Variants in LANCL2 observed in about 807,000 individuals in gnomAD.
LANCL2 encodes the protein LanC like glutathione S-transferase 2.
Under a neutral mutation model 56.9 loss-of-function variants are expected in LANCL2, and 33 were observed. The ratio of observed to expected loss-of-function variants is 0.58; its 90% CI spans 0.44 to 0.78. The LOEUF (loss-of-function observed/expected upper bound fraction) is 0.78. Among genes scored for constraint, LANCL2 ranks in the 30% least tolerant of loss-of-function variants. LANCL2 has a pLI of 0.00. For missense variants in LANCL2, 562 were observed against 580.2 expected (o/e 0.97, Z 0.32); for synonymous variants, 233 against 228.2 (o/e 1.02, Z -0.19).
chr7:55,401,179 C>T lies in LANCL2; in HGVS notation c.684C>T (p.Val228=). The change falls in exon 5 of 9, where the codon GTC becomes GTT. Residue 228 remains valine, a synonymous_variant. Coordinates refer to ENST00000254770, the MANE Select transcript of LANCL2 (RefSeq NM_018697.4). ...CTGTCTTGTTATCTCTGTAGGTAGT[C>T]AATGCTATTATTGAATCGGGTAAGA... ...TVCESAIKEV[V]NAIIESGKTL... The T allele has an allele frequency of 6.2e-7, 1 of 1,613,520 alleles. No individual in the cohort carries two copies. The highest frequency in any genetic ancestry group is 1.1e-5 in the South Asian group (1 of 91,040).
At position 55,407,144 on chromosome 7, in the gene LANCL2, C is replaced by T. The variant is rs554894937; in HGVS notation, c.826-4763C>T. The stretch of plus-strand genomic sequence containing the variant: ...GGAGGGAACTGCCTATCCTTCAACT[C>T]GTGCTGGAGACAAAAGGAGTTAGGT... On this transcript the variant is annotated intron_variant, in intron 5 of 8. Coordinates refer to ENST00000254770, the MANE Select transcript of LANCL2 (RefSeq NM_018697.4). Among the ~76,000 whole-genome samples, 14 of 152,294 alleles carry T rather than the reference C, an allele frequency of 9.2e-5. No individual in the cohort carries two copies. In the East Asian group the frequency reaches 2.5e-3, roughly 27 times the overall value.
At chr7:55,376,326 C>G (rs1325164723) in intron 1 of LANCL2, among the ~76,000 whole-genome samples, 3 of 152,174 alleles carry the variant, frequency 2.0e-5, no homozygotes, top group Non-Finnish European at 4.4e-5. Context: ...CAGTCTTAGA[C>G]AGAGTCAGTG....
Position 55,405,315 on chromosome 7 carries a change from A to G in LANCL2, c.825+3995A>G, listed in dbSNP as rs1442912854. Among the ~76,000 whole-genome samples, 3 of 152,076 alleles carry G rather than the reference A, an allele frequency of 2.0e-5. No homozygotes were observed. The East Asian group carries it at 5.8e-4, about 29-fold the overall frequency. The stretch of plus-strand genomic sequence containing the variant: ...GCCTTGGAGGGACTGGATGAGGTGC[A>G]CCCACTTTGGGGAGGGCCATCTGCC... On this transcript the variant is annotated intron_variant, in intron 5 of 8. Coordinates refer to ENST00000254770, the MANE Select transcript of LANCL2 (RefSeq NM_018697.4).
chr7:55,391,717 CTTAGACT>C (rs1790192663), intron 1 of LANCL2, 69 bp from the exon 2 acceptor site: 1 of 807,866 alleles, frequency 1.2e-6, no homozygotes, highest in Non-Finnish European at 2.1e-6. Context: ...GTTTGTACAA[CTTAGACT>C]TTAAAGTATT....
intron 6 of LANCL2, among the ~76,000 whole-genome samples, chr7:55,424,700 T>C (rs1376386730): frequency 6.6e-6 from 1 of 152,142 alleles, no homozygotes; most frequent in African/African-American, 2.4e-5. Context: ...CCCCAGGCTG[T>C]GAATTGGTAC....
chr7:55,383,526 A>C (rs1421485286), intron 1 of LANCL2, among the ~76,000 whole-genome samples: 1 of 152,212 alleles, frequency 6.6e-6, no homozygotes, highest in Non-Finnish European at 1.5e-5. Flanking sequence ...CATGTTGGGC[A>C]GATCTAGTTT....
At chr7:55,366,349 G>C (rs545468613) in intron 1 of LANCL2, 120 bp downstream of exon 1, 1 of 845,070 alleles carries the variant, frequency 1.2e-6, no homozygotes, top group Non-Finnish European at 1.8e-6. Context: ...CGGGATGATA[G>C]CGCCTAGCAC....
intron 7 of LANCL2, among the ~76,000 whole-genome samples, chr7:55,427,056 CTG>C (rs772765838): frequency 5.3e-5 from 8 of 152,188 alleles, no homozygotes; most frequent in Non-Finnish European, 1.0e-4. Flanking sequence ...CGAACCAGCT[CTG>C]TGTGTTCCTG....
chr7:55,431,898 C>T lies in LANCL2; in HGVS notation c.*578C>T, dbSNP rs815989. On this transcript the variant is annotated 3_prime_UTR_variant, in exon 9 of 9. Transcript: ENST00000254770. ...TGGGAGTGCACAGCTGAACGCTTCC[C>T]GTTTGGATTTTACACTCACCTTCGT... 0.72 allele frequency: 110,126 copies of T among 152,160 alleles called. 40,391 individuals are homozygous for T. The highest frequency in any genetic ancestry group is 0.83 in the African/African-American group (34,391 of 41,502). The allele number at this position is 152,160 out of a possible 1,614,324, so 9.4% of individuals were successfully genotyped here. A position where few individuals can be genotyped will look rare whatever the true frequency, so the allele number is the denominator to read the frequency against.
At position 55,431,746 on chromosome 7, in the gene LANCL2, C is replaced by G. The variant is rs1356647871; in HGVS notation, c.*426C>G. 6.3e-6 allele frequency: 1 copy of G among 158,298 alleles called. No individual in the cohort carries two copies. Among genetic ancestry groups the G allele is most frequent in the Non-Finnish European group, 1.4e-5 (1 of 71,834 alleles). 9.8% of individuals were successfully genotyped at this position (158,298 alleles called of 1,614,324 possible). ...CTATCTTGTATATCAGAAAGATTAT[C>G]TAGGGTCTATCCTAGTGATAATACA... On this transcript the variant is annotated 3_prime_UTR_variant, in exon 9 of 9. Transcript: ENST00000254770.
chr7:55,367,406 C>T (rs1206118110), intron 1 of LANCL2, among the ~76,000 whole-genome samples: 2 of 152,160 alleles, frequency 1.3e-5, no homozygotes, highest in African/African-American at 4.8e-5. Flanking sequence ...CTTCTGTAAA[C>T]CTCTCTCTTC....
chr7:55,403,288 C>T (rs1341425566), intron 5 of LANCL2, among the ~76,000 whole-genome samples: 12 of 152,236 alleles, frequency 7.9e-5, no homozygotes, highest in East Asian at 1.9e-4. Flanking sequence ...CAAAAAAATA[C>T]GAAAACCAGT....
intron 6 of LANCL2, among the ~76,000 whole-genome samples, chr7:55,415,851 G>A (rs1167174516): frequency 1.3e-5 from 2 of 151,990 alleles, no homozygotes; most frequent in African/African-American, 4.8e-5. Flanking sequence ...CTGACCTTAG[G>A]TGATCTGCCT....
intron 5 of LANCL2, among the ~76,000 whole-genome samples, chr7:55,406,789 A>G (rs1326640733): frequency 2.0e-5 from 3 of 152,224 alleles, no homozygotes; most frequent in Non-Finnish European, 4.4e-5. Flanking sequence ...AAATAATCTC[A>G]GAACAACCAG....
At chr7:55,389,570 GTTAA>G (rs1790162499) in intron 1 of LANCL2, among the ~76,000 whole-genome samples, 2 of 152,280 alleles carry the variant, frequency 1.3e-5, no homozygotes, top group Admixed American at 6.5e-5. Context: ...TGATACTTAT[GTTAA>G]TTAATTTTGT....
intron 5 of LANCL2, among the ~76,000 whole-genome samples, chr7:55,406,135 CAGG>C (rs1369193826): frequency 2.6e-5 from 4 of 152,274 alleles, no homozygotes; most frequent in Non-Finnish European, 5.9e-5. Flanking sequence ...CGGTGAGCTG[CAGG>C]AGGAGTGGAG....
rs1030678282 is a variant in LANCL2 at position 55,365,870 on chromosome 7, T to C, written c.-156T>C. On this transcript the variant is annotated 5_prime_UTR_variant, in exon 1 of 9. Coordinates refer to ENST00000254770, the MANE Select transcript of LANCL2 (RefSeq NM_018697.4). ...GTGCGAGCAGCCCGCGACGAGGCAG[T>C]GCACGCTCAGACGCCCCGCTCCTCC... 7.6e-6 allele frequency: 4 copies of C among 529,308 alleles called. No homozygotes were observed. The highest frequency in any genetic ancestry group is 6.4e-6 in the Non-Finnish European group (2 of 311,998). The allele number at this position is 529,308 out of a possible 1,614,324, so 32.8% of individuals were successfully genotyped here. A position where few individuals can be genotyped will look rare whatever the true frequency, so the allele number is the denominator to read the frequency against.
chr7:55,373,748 T>C (rs1161759345), intron 1 of LANCL2, among the ~76,000 whole-genome samples: 3 of 152,254 alleles, frequency 2.0e-5, no homozygotes, highest in South Asian at 2.1e-4. Flanking sequence ...CAATTTTGTA[T>C]TTTAAAAGCT....
chr7:55,375,140 AC>A (rs1480233155), intron 1 of LANCL2, among the ~76,000 whole-genome samples: 2 of 152,226 alleles, frequency 1.3e-5, no homozygotes, highest in African/African-American at 4.8e-5. Context: ...TGCATGTTGA[AC>A]ACTTGTTTTT....
Sources: allele counts gnomAD v4.1 joint callset (sites outside exome capture counted in the v4.1 genomes callset), GRCh38; gene constraint gnomAD v4.1.1; transcripts MANE v1.5; gene names NCBI Gene and HGNC (gene_info 2026-07-23, HGNC 2026-07-21).